Variants in QTGAL observed in about 807,000 individuals in gnomAD.
QTGAL encodes the protein queuosine-tRNA galactosyltransferase, also known as BGnT-like protein 1.
the QTGAL span, chr17:82,947,062 G>A: frequency 7.8e-7 from 1 of 1,280,848 alleles, no homozygotes; most frequent in Non-Finnish European, 1.1e-6. Context: ...CAGGGCCAGG[G>A]GTTGGGGGTG....
At chr17:82,955,068 G>A in the QTGAL span, among the ~76,000 whole-genome samples, 32 of 152,240 alleles carry the variant, frequency 2.1e-4, no homozygotes, top group African/African-American at 6.7e-4. Context: ...GCATGGGCAA[G>A]GACTTCATGA....
At chr17:83,031,591 C>T in the QTGAL span, among the ~76,000 whole-genome samples, 1 of 152,238 alleles carries the variant, frequency 6.6e-6, no homozygotes. Flanking sequence ...CGGGGGAGGC[C>T]TTCCACAGCC....
At chr17:82,945,968 T>A in the QTGAL span, 1 of 152,200 alleles carries the variant, frequency 6.6e-6, no homozygotes, top group African/African-American at 2.4e-5. Context: ...TTGCTTAAAA[T>A]GGACAACAGC....
At chr17:83,047,041 G>T in the QTGAL span, among the ~76,000 whole-genome samples, 1 of 152,238 alleles carries the variant, frequency 6.6e-6, no homozygotes, top group East Asian at 1.9e-4. Flanking sequence ...GAAAGCAGGC[G>T]AGTGGTTGCC....
At chr17:83,051,729 G>T in the QTGAL span, 2 of 1,493,506 alleles carry the variant, frequency 1.3e-6, no homozygotes, top group Non-Finnish European at 1.8e-6. Flanking sequence ...CTCCCCGCTG[G>T]CACCTACCAC....
the QTGAL span, among the ~76,000 whole-genome samples, chr17:83,048,041 T>C: frequency 6.6e-6 from 1 of 152,182 alleles, no homozygotes; most frequent in South Asian, 2.1e-4. Context: ...TCTTTCTCTT[T>C]TTTGAGATGG....
chr17:83,008,040 AGAG>A, the QTGAL span, among the ~76,000 whole-genome samples: 1 of 151,356 alleles, frequency 6.6e-6, no homozygotes, highest in Non-Finnish European at 1.5e-5. Flanking sequence ...CGCGCTCTCA[AGAG>A]GAGGCGCAGG....
the QTGAL span, chr17:83,014,624 T>C: frequency 1.9e-4 from 246 of 1,269,108 alleles, 2 homozygotes; most frequent in South Asian, 1.8e-3. Flanking sequence ...GGCACAATCA[T>C]AGCTCACTGC....
chr17:83,008,815 G>T, the QTGAL span, among the ~76,000 whole-genome samples: 3 of 151,428 alleles, frequency 2.0e-5, no homozygotes, highest in East Asian at 3.9e-4. Flanking sequence ...GATCCCTGCC[G>T]CCGAGCGAGT....
At chr17:83,051,694 GA>G in the QTGAL span, 1 of 1,443,372 alleles carries the variant, frequency 6.9e-7, no homozygotes, top group Non-Finnish European at 9.1e-7. Context: ...GGGACGCGAG[GA>G]CCCAGCCTGC....
chr17:83,007,994 C>T, the QTGAL span, among the ~76,000 whole-genome samples: 14 of 145,734 alleles, frequency 9.6e-5, no homozygotes, highest in African/African-American at 2.5e-4. Context: ...AGCGCCCAGC[C>T]GCGATGCTGC....
chr17:82,962,793 G>T, the QTGAL span, among the ~76,000 whole-genome samples: 1 of 152,200 alleles, frequency 6.6e-6, no homozygotes, highest in Non-Finnish European at 1.5e-5. Flanking sequence ...AGAAGAGCCC[G>T]ACCCTTGGGG....
chr17:83,015,682 G>A, the QTGAL span, among the ~76,000 whole-genome samples: 2 of 152,240 alleles, frequency 1.3e-5, no homozygotes, highest in African/African-American at 2.4e-5. This position sits in a 1 kb window ranked among gnomAD's most constrained non-coding sequence, Gnocchi z 4.4. Flanking sequence ...AGTGAGCGGC[G>A]GCCGGGCGAG....
chr17:83,049,464 G>A, the QTGAL span, among the ~76,000 whole-genome samples: 1 of 147,162 alleles, frequency 6.8e-6, no homozygotes, highest in Non-Finnish European at 1.5e-5. Flanking sequence ...CCAGGCTGGA[G>A]TGCAGTGGCT....
At chr17:82,971,169 C>T in the QTGAL span, among the ~76,000 whole-genome samples, 4 of 152,322 alleles carry the variant, frequency 2.6e-5, no homozygotes, top group East Asian at 3.9e-4. Context: ...ATCCAAACCA[C>T]GGCAATTATA....
At chr17:82,959,218 T>C in the QTGAL span, among the ~76,000 whole-genome samples, 3 of 151,854 alleles carry the variant, frequency 2.0e-5, no homozygotes, top group East Asian at 1.9e-4. Context: ...AGTACATGCC[T>C]GTATGTACTG....
the QTGAL span, among the ~76,000 whole-genome samples, chr17:83,011,886 G>A: frequency 3.3e-5 from 5 of 152,140 alleles, no homozygotes; most frequent in African/African-American, 7.2e-5. Context: ...TTGAACACAC[G>A]CCACGAACTC....
the QTGAL span, among the ~76,000 whole-genome samples, chr17:82,951,995 C>T: frequency 5.9e-5 from 9 of 151,986 alleles, no homozygotes; most frequent in East Asian, 7.7e-4. Context: ...GTGGAGTGGG[C>T]GTGCTGCTGG....
chr17:82,942,582 CCTTGGAGGCTGGCA>C, the QTGAL span: 1 of 1,414,850 alleles, frequency 7.1e-7, no homozygotes, highest in Non-Finnish European at 9.9e-7. Flanking sequence ...TAGCGCTGGC[CCTTGGAGGCTGGCA>C]CTAGCTGACA....
Sources: gnomAD v4.1 joint callset for allele counts (sites outside exome capture counted in the v4.1 genomes callset) on GRCh38, gnomAD v4.1.1 for gene constraint, Gnocchi (gnomAD v3.1) non-coding constraint, MANE v1.5 for transcripts, NCBI Gene and HGNC (gene_info 2026-07-23, HGNC 2026-07-21) for gene names.